The following CNTN5 variants were observed in gnomAD, a reference collection of about 807,000 sequenced individuals.
The protein encoded by CNTN5 is contactin-5.
In CNTN5, 77 loss-of-function variants were observed where a neutral mutation model predicts 129.1. The observed-to-expected ratio is 0.60, with a 90% CI of 0.50 to 0.72. The LOEUF is 0.72. Among genes scored for constraint, CNTN5 ranks in the 30% least tolerant of loss-of-function variants. The probability of loss-of-function intolerance (pLI) is 0.00; values close to 1 mark genes in which losing one functional copy is unlikely to be tolerated. For missense variants in CNTN5, 1,478 were observed against 1,328.8 expected (o/e 1.11, Z -1.75); for synonymous variants, 509 against 465.6 (o/e 1.09, Z -1.20).
intron 1 of CNTN5, among the ~76,000 whole-genome samples, chr11:99,141,722 T>C (rs1215375387): frequency 6.6e-6 from 1 of 152,152 alleles, no homozygotes; most frequent in Non-Finnish European, 1.5e-5. Flanking sequence ...TTAAATAATG[T>C]CTTGATTTCT....
intron 6 of CNTN5, among the ~76,000 whole-genome samples, chr11:99,907,937 G>A (rs1281082634): frequency 6.6e-6 from 1 of 151,944 alleles, no homozygotes; most frequent in Non-Finnish European, 1.5e-5. Flanking sequence ...TTTCATAAAT[G>A]TGAACCTACC....
intron 1 of CNTN5, among the ~76,000 whole-genome samples, chr11:99,029,616 G>A (rs546505497): frequency 9.9e-5 from 15 of 152,150 alleles, no homozygotes; most frequent in Admixed American, 9.2e-4. Context: ...AAATGTGTAG[G>A]AAAACAGTAG....
At chr11:100,055,249 A>G (rs542787860) in intron 9 of CNTN5, among the ~76,000 whole-genome samples, 1 of 151,578 alleles carries the variant, frequency 6.6e-6, no homozygotes, top group South Asian at 2.1e-4. Flanking sequence ...CCTCCCCAAA[A>G]TGAAAGAACT....
intron 2 of CNTN5, among the ~76,000 whole-genome samples, chr11:99,404,633 G>A (rs1447753976): frequency 6.6e-6 from 1 of 152,010 alleles, no homozygotes; most frequent in Non-Finnish European, 1.5e-5. Context: ...CTAAAACAAG[G>A]CTAGTAAAGA....
At chr11:100,134,161 G>T (rs1177605610) in intron 13 of CNTN5, among the ~76,000 whole-genome samples, 2 of 152,162 alleles carry the variant, frequency 1.3e-5, no homozygotes, top group Non-Finnish European at 2.9e-5. Flanking sequence ...AGGGCTCATA[G>T]CTGCTTCTAA....
intron 2 of CNTN5, among the ~76,000 whole-genome samples, chr11:99,429,438 G>A (rs1447784636): frequency 1.3e-5 from 2 of 152,040 alleles, no homozygotes; most frequent in Non-Finnish European, 2.9e-5. Context: ...AATTGTCAGA[G>A]AGCCCTAAAT....
chr11:99,304,622 C>T (rs1322029718), intron 1 of CNTN5, among the ~76,000 whole-genome samples: 1 of 152,184 alleles, frequency 6.6e-6, no homozygotes, highest in Admixed American at 6.5e-5. Flanking sequence ...AACTCACACT[C>T]ACTACCTTGG....
intron 1 of CNTN5, among the ~76,000 whole-genome samples, chr11:99,313,493 C>T (rs1865205477): frequency 6.6e-6 from 1 of 151,934 alleles, no homozygotes; most frequent in Middle Eastern, 3.2e-3. Context: ...ATTGAAACAG[C>T]AGGGAAATTC....
intron 2 of CNTN5, among the ~76,000 whole-genome samples, chr11:99,454,847 G>A (rs750916553): frequency 6.6e-6 from 1 of 151,946 alleles, no homozygotes. Context: ...GTTATATCTT[G>A]TATAAATCAC....
At chr11:99,287,882 A>G (rs568105508) in intron 1 of CNTN5, among the ~76,000 whole-genome samples, 1 of 151,956 alleles carries the variant, frequency 6.6e-6, no homozygotes, top group African/African-American at 2.4e-5. Context: ...GGAGAAGAGG[A>G]AAGAAGATAA....
At chr11:100,087,560 G>A (rs2137970973) in intron 13 of CNTN5, among the ~76,000 whole-genome samples, 1 of 151,946 alleles carries the variant, frequency 6.6e-6, no homozygotes, top group Non-Finnish European at 1.5e-5. Context: ...ATGATAAAGG[G>A]TTCAATTCAA....
At chr11:100,194,450 A>G (rs960681150) in intron 15 of CNTN5, among the ~76,000 whole-genome samples, 6 of 152,012 alleles carry the variant, frequency 3.9e-5, no homozygotes, top group African/African-American at 1.4e-4. Flanking sequence ...TTTTGCCTAC[A>G]AATTGGATTT....
At chr11:100,276,048 G>C in intron 18 of CNTN5, among the ~76,000 whole-genome samples, 1 of 152,022 alleles carries the variant, frequency 6.6e-6, no homozygotes, top group East Asian at 1.9e-4. Flanking sequence ...CTGCTTGGGA[G>C]AAAAAAGGTC....
intron 6 of CNTN5, among the ~76,000 whole-genome samples, chr11:99,891,793 A>G (rs1591373718): frequency 6.6e-6 from 1 of 152,096 alleles, no homozygotes; most frequent in African/African-American, 2.4e-5. Flanking sequence ...ATAAACATAC[A>G]TGTGCATATG....
At chr11:99,234,378 C>T (rs1026904823) in intron 1 of CNTN5, among the ~76,000 whole-genome samples, 3 of 152,128 alleles carry the variant, frequency 2.0e-5, no homozygotes, top group African/African-American at 7.2e-5. Context: ...ATTCTGTCTT[C>T]CTCAACGCTC....
At chr11:99,729,556 A>C (rs1028004) in intron 3 of CNTN5, among the ~76,000 whole-genome samples, 31,475 of 151,978 alleles carry the variant, frequency 0.21, 3,966 homozygotes, top group East Asian at 0.35. Context: ...AGCTATTAGA[A>C]ACTAGAGGGC....
intron 2 of CNTN5, among the ~76,000 whole-genome samples, chr11:99,555,558 C>G (rs1948636352): frequency 6.6e-6 from 1 of 151,864 alleles, no homozygotes; most frequent in South Asian, 2.1e-4. Flanking sequence ...CCCTTACGTT[C>G]CAGCCAGCAA....
intron 3 of CNTN5, among the ~76,000 whole-genome samples, chr11:99,633,523 A>G (rs1002777676): frequency 5.9e-5 from 9 of 152,140 alleles, no homozygotes; most frequent in African/African-American, 1.7e-4. Flanking sequence ...CAGGTACTTC[A>G]TACTGAAAGG....
chr11:99,490,393 A>C (rs1945990163), intron 2 of CNTN5, among the ~76,000 whole-genome samples: 2 of 152,178 alleles, frequency 1.3e-5, no homozygotes, highest in South Asian at 4.1e-4. Flanking sequence ...TTACAAACAT[A>C]ATTTTTATTT....
Sources: gnomAD v4.1 joint callset for allele counts (sites outside exome capture counted in the v4.1 genomes callset) on GRCh38, gnomAD v4.1.1 for gene constraint, MANE v1.5 for transcripts, NCBI Gene and HGNC (gene_info 2026-07-23, HGNC 2026-07-21) for gene names.